The following ATP10A variants were observed in gnomAD, a reference collection of about 807,000 sequenced individuals.
ATP10A encodes ATPase phospholipid transporting 10A (putative).
A neutral mutation model predicts 147.8 loss-of-function variants in ATP10A; 111 were observed. The ratio of observed to expected loss-of-function variants is 0.75; its 90% CI spans 0.64 to 0.88. ATP10A has a LOEUF of 0.88. Ranked by LOEUF, ATP10A falls within the 40% of genes least tolerant of loss-of-function variation. ATP10A has a pLI of 0.00. For missense variants in ATP10A, 1,927 were observed against 1,959.0 expected, an observed-to-expected ratio of 0.98 and a Z score of 0.31; for synonymous variants, 875 against 841.6, an observed-to-expected ratio of 1.04 and a Z score of -0.69.
chr15:25,772,424 G>A (rs973795326), intron 2 of ATP10A, among the ~76,000 whole-genome samples: 3 of 152,150 alleles, frequency 2.0e-5, no homozygotes, highest in Non-Finnish European at 4.4e-5. Flanking sequence ...ATCCCCGAGA[G>A]GGGTTTCCGT....
At chr15:25,849,431 T>C (rs192644307) in intron 1 of ATP10A, among the ~76,000 whole-genome samples, 1 of 152,270 alleles carries the variant, frequency 6.6e-6, no homozygotes. Flanking sequence ...GAACTGAGTT[T>C]AGATGTCACT....
chr15:25,776,305 C>T (rs1190902163), intron 2 of ATP10A, among the ~76,000 whole-genome samples: 5 of 152,268 alleles, frequency 3.3e-5, no homozygotes, highest in Admixed American at 6.5e-5. Flanking sequence ...TGGAGGAACC[C>T]GCTCCGAATC....
At chr15:25,753,838 G>A (rs747374789) in intron 2 of ATP10A, among the ~76,000 whole-genome samples, 12 of 151,144 alleles carry the variant, frequency 7.9e-5, no homozygotes, top group South Asian at 4.2e-4. Flanking sequence ...GTGCACTGCC[G>A]TGATCAGAGC....
At chr15:25,829,299 T>C (rs903371647) in intron 1 of ATP10A, among the ~76,000 whole-genome samples, 9 of 152,144 alleles carry the variant, frequency 5.9e-5, no homozygotes, top group African/African-American at 1.2e-4. Context: ...AGCACCCAGA[T>C]CAGTGACTTT....
intron 1 of ATP10A, among the ~76,000 whole-genome samples, chr15:25,814,939 T>C (rs1315585412): frequency 6.6e-6 from 1 of 152,176 alleles, no homozygotes; most frequent in Non-Finnish European, 1.5e-5. Flanking sequence ...TTTTTGTGTA[T>C]GGTGTGTACC....
chr15:25,778,270 A>G (rs867707430), intron 2 of ATP10A, among the ~76,000 whole-genome samples: 17 of 152,236 alleles, frequency 1.1e-4, no homozygotes, highest in Admixed American at 6.5e-5. Flanking sequence ...GATTATTACC[A>G]GTTCTTAACC....
downstream of ATP10A, among the ~76,000 whole-genome samples, chr15:25,674,146 G>A (rs1899093501): frequency 6.6e-6 from 1 of 152,186 alleles, no homozygotes; most frequent in Non-Finnish European, 1.5e-5. Context: ...ATGGTGCCCT[G>A]ACGCCCCTGC....
intron 7 of ATP10A, 69 bp downstream of exon 7, chr15:25,721,588 C>CAA: frequency 7.0e-7 from 1 of 1,420,118 alleles, no homozygotes; most frequent in Non-Finnish European, 9.7e-7. Context: ...GTGTGTGTCT[C>CAA]CAAACAATTC....
In ATP10A at chr15:25,679,945, A is replaced by G; in HGVS notation, c.3896T>C (p.Val1299Ala). Residue 1299 changes from valine (V) to alanine (A), a missense_variant, in exon 21 of 21, where the codon GTT becomes GCT. Physicochemically the swap from Val to Ala is moderately conservative, Grantham distance 64 (BLOSUM62 0). Transcript: ENST00000555815. Reference sequence around the variant, plus strand: ...TGCCAGCTGAAGTTGTGTGGGGAAAACCCTCCCCTGGAGGGATCTGAAAAA... The same window carrying G: ...TGCCAGCTGAAGTTGTGTGGGGAAAGCCCTCCCCTGGAGGGATCTGAAAAA... The part of the protein sequence containing the change: ...RLFFRSLQGR[V>A]FPTQLQLARQ... 6.2e-7 allele frequency: 1 copy of G among 1,604,900 alleles called. No individual in the cohort carries two copies. The highest frequency in any genetic ancestry group is 2.2e-5 in the East Asian group (1 of 44,618).
At chr15:25,856,478 T>C (rs12101553) in intron 1 of ATP10A, among the ~76,000 whole-genome samples, 14,585 of 152,224 alleles carry the variant, frequency 0.096, 1,158 homozygotes, top group African/African-American at 0.21. Context: ...AATGGACTAA[T>C]AGAGTTAGCG....
At chr15:25,713,009 C>T (rs534645584) in intron 10 of ATP10A, among the ~76,000 whole-genome samples, 1 of 152,316 alleles carries the variant, frequency 6.6e-6, no homozygotes, top group East Asian at 1.9e-4. Context: ...ATAGCATTTC[C>T]CAGCAGCTGC....
chr15:25,858,404 G>A (rs1460967020), intron 1 of ATP10A, among the ~76,000 whole-genome samples: 1 of 152,172 alleles, frequency 6.6e-6, no homozygotes, highest in Admixed American at 6.5e-5. Context: ...AGGAAGAGAT[G>A]AGGCTCACCT....
rs555418702 is a variant in ATP10A at position 25,800,090 on chromosome 15, A to G, written c.450-18867T>C. Among the ~76,000 whole-genome samples, 3 of 152,334 alleles carry G rather than the reference A, an allele frequency of 2.0e-5. No homozygotes were observed. In the South Asian group the frequency reaches 6.2e-4, roughly 32 times the overall value. ...CCAGGGTGAGGCAGGAGAGGAGCTC[A>G]CATCAAGTGCAAAACGCAAGGGTGC... is the stretch of plus-strand genomic sequence containing the variant. On this transcript the variant is annotated intron_variant, in intron 1 of 20. Transcript: ENST00000555815.
chr15:25,800,779 TG>T (rs1890902340), intron 1 of ATP10A, among the ~76,000 whole-genome samples: 1 of 152,220 alleles, frequency 6.6e-6, no homozygotes, highest in Admixed American at 6.5e-5. Context: ...TTTCAAAAGC[TG>T]GTGCTCACAG....
intron 1 of ATP10A, among the ~76,000 whole-genome samples, chr15:25,861,583 C>T (rs1893761726): frequency 1.3e-5 from 2 of 152,216 alleles, no homozygotes; most frequent in Admixed American, 1.3e-4. Context: ...GCAGGAGCCA[C>T]TCTGACCCTC....
chr15:25,848,272 A>G (rs542517712), intron 1 of ATP10A, among the ~76,000 whole-genome samples: 3 of 152,274 alleles, frequency 2.0e-5, no homozygotes, highest in Non-Finnish European at 2.9e-5. Context: ...GGCTTGAAGT[A>G]ACACAAATTT....
Position 25,863,019 on chromosome 15 carries a change from C to T in ATP10A, c.78G>A (p.Thr26=), listed in dbSNP as rs557991717. ...GGGGCGGCAGCAGGTTGGAGCGCAC[C>T]GTGCGCGTCCTGCCCTCTCGGCGCC... ...RRRRREGRTR[T]VRSNLLPPPG... is the part of the protein sequence containing the mutation. The change falls in exon 1 of 21, where the codon ACG becomes ACA. Residue 26 remains threonine, a synonymous_variant. Transcript: ENST00000555815. 3.0e-6 allele frequency: 4 copies of T among 1,339,562 alleles called. No homozygotes were observed. The highest frequency in any genetic ancestry group is 3.8e-6 in the Non-Finnish European group (4 of 1,053,098). 83.0% of individuals were successfully genotyped at this position (1,339,562 alleles called of 1,614,324 possible). A position where few individuals can be genotyped will look rare whatever the true frequency, so the allele number is the denominator to read the frequency against.
At chr15:25,803,061 C>A (rs1795318792) in intron 1 of ATP10A, among the ~76,000 whole-genome samples, 1 of 152,136 alleles carries the variant, frequency 6.6e-6, no homozygotes, top group South Asian at 2.1e-4. Flanking sequence ...AGGGCTGAGT[C>A]TTTGTGAGGT....
At chr15:25,855,907 G>A (rs1015712757) in intron 1 of ATP10A, among the ~76,000 whole-genome samples, 1 of 152,130 alleles carries the variant, frequency 6.6e-6, no homozygotes, top group Non-Finnish European at 1.5e-5. Context: ...TGCATTAATG[G>A]AAAACTGTTT....
Sources: allele counts gnomAD v4.1 joint callset (sites outside exome capture counted in the v4.1 genomes callset), GRCh38; gene constraint gnomAD v4.1.1; transcripts MANE v1.5; gene names NCBI Gene and HGNC (gene_info 2026-07-23, HGNC 2026-07-21).